USH2A: variants seen among roughly 807,000 people sequenced by gnomAD.
USH2A encodes usherin, also known as Usher syndrome 2A (autosomal recessive, mild).
A neutral mutation model predicts 538.9 loss-of-function variants in USH2A; 443 were observed. That is an observed-to-expected ratio of 0.82 (90% CI 0.76 to 0.89). USH2A has a LOEUF of 0.89. Among genes scored for constraint, USH2A ranks in the 40% least tolerant of loss-of-function variants. The pLI, the probability that USH2A is intolerant of heterozygous loss-of-function variation, is 0.00. For synonymous variants in USH2A, 2,413 were observed against 2,273.5 expected, an observed-to-expected ratio of 1.06 and a Z score of -1.75; for missense variants, 6,633 against 6,324.8, an observed-to-expected ratio of 1.05 and a Z score of -1.65.
intron 58 of USH2A, among the ~76,000 whole-genome samples, chr1:215,749,532 C>A (rs1019007128): frequency 6.6e-6 from 1 of 152,146 alleles, no homozygotes; most frequent in Non-Finnish European, 1.5e-5. Flanking sequence ...GACTGTGACA[C>A]GAAAGTCTCT....
chr1:216,157,926 G>C (rs1403100276), intron 21 of USH2A, among the ~76,000 whole-genome samples: 1 of 152,048 alleles, frequency 6.6e-6, no homozygotes, highest in Admixed American at 6.5e-5. Context: ...AAACCCGCAT[G>C]TTGTACCCAT....
At position 215,648,653 on chromosome 1, in the gene USH2A, T is replaced by G. The variant is rs1044359801; in HGVS notation, c.14457A>C (p.Thr4819=). The G allele has an allele frequency of 1.3e-5, 21 of 1,614,122 alleles. No homozygotes were observed. Among genetic ancestry groups the G allele is most frequent in the Non-Finnish European group, 1.8e-5 (21 of 1,180,052 alleles). ...GGGCAGGATGGGTTCTCAGTTCAGC[T>G]GTCGGTCCTTTGCTGCAACAGTTGA... ...TCFNCCSKGP[T]AELRTHPAPP... The change falls in exon 66 of 72, where the codon ACA becomes ACC. Residue 4819 remains threonine (T), a synonymous_variant. Transcript: ENST00000307340.
intron 9 of USH2A, among the ~76,000 whole-genome samples, chr1:216,313,546 A>G (rs550448057): frequency 2.8e-4 from 42 of 152,078 alleles, no homozygotes; most frequent in Non-Finnish European, 5.3e-4. Context: ...CTTACATATA[A>G]CCTTATTTTT....
At chr1:216,249,110 G>A (rs1399454244) in intron 12 of USH2A, among the ~76,000 whole-genome samples, 1 of 151,756 alleles carries the variant, frequency 6.6e-6, no homozygotes. Flanking sequence ...ATTGAATAAA[G>A]TTACTTGCTG....
rs971433562 is a variant in USH2A at position 215,782,637 on chromosome 1, T to G, written c.10585+101A>C. On this transcript the variant is annotated intron_variant, in intron 53 of 71. Transcript: ENST00000307340. ...CCTTTATCGGAACATACTTTTCTAG[T>G]GGTTAGATGCATAGGGCAATTAAAT... is the stretch of plus-strand genomic sequence containing the variant. 4.5e-5 allele frequency: 54 copies of G among 1,210,034 alleles called. No homozygotes were observed. In the African/African-American group the frequency reaches 7.7e-4, roughly 17 times the overall value. The allele number at this position is 1,210,034 out of a possible 1,614,324, so 75.0% of individuals were successfully genotyped here.
chr1:216,281,096 A>C (rs905190142), intron 11 of USH2A, among the ~76,000 whole-genome samples: 1 of 152,204 alleles, frequency 6.6e-6, no homozygotes, highest in African/African-American at 2.4e-5. Flanking sequence ...GACTTGACAC[A>C]ATATCTCCAC....
rs146385773 is a variant in USH2A at position 215,983,610 on chromosome 1, A to AC, written c.6805+9409dup. 1.4e-3 allele frequency among the ~76,000 whole-genome samples: 211 copies of AC among 151,670 alleles called. 2 individuals are homozygous for AC. Among genetic ancestry groups the AC allele is most frequent in the African/African-American group, 4.7e-3 (193 of 41,336 alleles). On this transcript the variant is annotated intron_variant, in intron 35 of 71. Coordinates refer to ENST00000307340, the MANE Select transcript of USH2A (RefSeq NM_206933.4). ...CATTTTAAATTTATCTTCACGCACT[A>AC]CCCCCCCATCAAAAAAACAAACACA...
At position 216,028,511 on chromosome 1, in the gene USH2A, G is replaced by A. The variant is rs541733657; in HGVS notation, c.6325+17920C>T. On this transcript the variant is annotated intron_variant, in intron 32 of 71. Coordinates refer to ENST00000307340, the MANE Select transcript of USH2A (RefSeq NM_206933.4). ...TCTCAGGAAATATTTATCTATTCTT[G>A]AAGTGAAGAAAATCTAAGTGTTTCT... is the stretch of plus-strand genomic sequence containing the variant. 6.6e-5 allele frequency among the ~76,000 whole-genome samples: 10 copies of A among 152,126 alleles called. No homozygotes were observed. The South Asian group carries it at 2.1e-3, about 32-fold the overall frequency.
chr1:215,781,585 A>G lies in USH2A; in HGVS notation c.10740+457T>C, dbSNP rs143607717. On this transcript the variant is annotated intron_variant, in intron 54 of 71. Coordinates refer to ENST00000307340, the MANE Select transcript of USH2A (RefSeq NM_206933.4). ...AAATTCAGGTCTTCATTATTTCTTGACAAGGCTATAGCAGAAGGCTTGGAA... is the reference window on the plus strand; with the variant it reads ...AAATTCAGGTCTTCATTATTTCTTGGCAAGGCTATAGCAGAAGGCTTGGAA... Among the ~76,000 whole-genome samples, 339 of 152,256 alleles carry G rather than the reference A, an allele frequency of 2.2e-3. 2 individuals are homozygous for G. Among genetic ancestry groups the G allele is most frequent in the African/African-American group, 7.6e-3 (317 of 41,550 alleles).
chr1:215,886,603 G>T (rs1274908449), intron 41 of USH2A: 1 of 152,154 alleles, frequency 6.6e-6, no homozygotes, highest in African/African-American at 2.4e-5. Flanking sequence ...GAGACATTGA[G>T]ATTCCTGACT....
At chr1:215,643,282 G>A (rs2102638512) in intron 67 of USH2A, among the ~76,000 whole-genome samples, 1 of 152,276 alleles carries the variant, frequency 6.6e-6, no homozygotes, top group African/African-American at 2.4e-5. Context: ...ACAGGCGTGA[G>A]ACACCACACC....
At chr1:215,955,620 T>C (rs572057185) in intron 37 of USH2A, among the ~76,000 whole-genome samples, 4 of 152,256 alleles carry the variant, frequency 2.6e-5, no homozygotes, top group Non-Finnish European at 4.4e-5. Flanking sequence ...AAAACATAAA[T>C]TTTATTTGCA....
rs768367348 is a variant in USH2A, at chr1:215,888,521, T to TTG, written c.8126_8127dup (p.Asn2710GlnfsTer7). On this transcript the variant is annotated frameshift_variant, in exon 41 of 72. Transcript: ENST00000307340. LOFTEE classifies it high-confidence loss of function. ...GTAACTTCTACCCAAGCACTGCTGT[T>TTG]TGTGCCTCCATGAAGAGTGCTCATC... 6.2e-7 allele frequency: 1 copy of TTG among 1,614,178 alleles called. No homozygotes were observed. The highest frequency in any genetic ancestry group is 1.7e-5 in the Admixed American group (1 of 60,030).
At position 215,786,861 on chromosome 1, in the gene USH2A, C is replaced by T. The variant is rs765920408; in HGVS notation, c.10196G>A (p.Cys3399Tyr). The stretch of plus-strand genomic sequence containing the variant: ...CATAGATGCTGGGCAGAGGATCCTG[C>T]ACTCTTTGGTTTCCTGAGTCAAGTG... ...TGMMMKETKE[C>Y]RILCPASMEA... The change falls in exon 52 of 72, where the codon TGC becomes TAC. Residue 3399 changes from cysteine (C) to tyrosine (Y), a missense_variant. By Grantham distance (194) the Cys-to-Tyr change is radical. Coordinates refer to ENST00000307340, the MANE Select transcript of USH2A (RefSeq NM_206933.4). 10 of 1,613,682 alleles carry T rather than the reference C, an allele frequency of 6.2e-6. No homozygotes were observed. The Admixed American group carries it at 1.7e-4, about 27-fold the overall frequency.
At chr1:216,023,586 A>C (rs12751139) in intron 32 of USH2A, among the ~76,000 whole-genome samples, 1 of 151,590 alleles carries the variant, frequency 6.6e-6, no homozygotes, top group African/African-American at 2.4e-5. Flanking sequence ...ATACACACAA[A>C]CCATATTTTA....
chr1:215,759,928 T>C, intron 56 of USH2A, 85 bp from the exon 57 acceptor site: 2 of 1,514,522 alleles, frequency 1.3e-6, no homozygotes, highest in East Asian at 2.3e-5. Flanking sequence ...CCATGAACTG[T>C]GATATTTTTT....
intron 3 of USH2A, among the ~76,000 whole-genome samples, chr1:216,381,406 C>T (rs952245058): frequency 3.3e-5 from 5 of 152,046 alleles, no homozygotes; most frequent in Middle Eastern, 3.2e-3. Context: ...TGTGAGCAAT[C>T]GTGAGCATAG....
intron 44 of USH2A, among the ~76,000 whole-genome samples, chr1:215,849,107 T>C (rs552792846): frequency 2.0e-5 from 3 of 152,180 alleles, no homozygotes; most frequent in African/African-American, 4.8e-5. Flanking sequence ...GTATCTCTCC[T>C]TTTTTAAATA....
chr1:215,661,439 A>G (rs998704243), intron 64 of USH2A, among the ~76,000 whole-genome samples: 1 of 152,140 alleles, frequency 6.6e-6, no homozygotes, highest in African/African-American at 2.4e-5. Flanking sequence ...CTAGAAGGTA[A>G]CAGCTTCTGG....
Sources: allele counts gnomAD v4.1 joint callset (sites outside exome capture counted in the v4.1 genomes callset), GRCh38; gene constraint gnomAD v4.1.1; transcripts MANE v1.5; gene names NCBI Gene and HGNC (gene_info 2026-07-23, HGNC 2026-07-21).